EIF4EBP2: variants seen among roughly 807,000 people sequenced by gnomAD.
The protein encoded by EIF4EBP2 is eukaryotic translation initiation factor 4E-binding protein 2.
In EIF4EBP2, 5 loss-of-function variants were observed where a neutral mutation model predicts 10.3. The ratio of observed to expected loss-of-function variants is 0.48; its 90% CI spans 0.25 to 1.02. The LOEUF (loss-of-function observed/expected upper bound fraction) is 1.02. Ranked by LOEUF, EIF4EBP2 falls within the 50% of genes least tolerant of loss-of-function variation. EIF4EBP2 has a pLI of 0.15. For missense variants in EIF4EBP2, 188 were observed against 162.2 expected, an observed-to-expected ratio of 1.16 and a Z score of -0.86; for synonymous variants, 67 against 61.1, an observed-to-expected ratio of 1.10 and a Z score of -0.45.
At position 70,404,393 on chromosome 10, in the gene EIF4EBP2, C is replaced by A. The variant is rs1176756586; in HGVS notation, c.-9C>A. ...CGCCGGACAAAGCCGAGAGCCCGCGCCCACAGCCATGTCCTCGTCAGCCGG... is the reference window on the plus strand; with the variant it reads ...CGCCGGACAAAGCCGAGAGCCCGCGACCACAGCCATGTCCTCGTCAGCCGG... On this transcript the variant is annotated 5_prime_UTR_variant, in exon 1 of 3. Transcript: ENST00000373218. 6.4e-7 allele frequency: 1 copy of A among 1,565,582 alleles called. No homozygotes were observed. The highest frequency in any genetic ancestry group is 1.2e-5 in the South Asian group (1 of 86,168).
intron 1 of EIF4EBP2, among the ~76,000 whole-genome samples, chr10:70,417,174 TGAG>T (rs1340891650): frequency 2.0e-5 from 3 of 152,128 alleles, no homozygotes; most frequent in Non-Finnish European, 4.4e-5. Flanking sequence ...GAAAAAGAAA[TGAG>T]GTACTGATAA....
At chr10:70,410,675 T>G (rs1845034993) in intron 1 of EIF4EBP2, among the ~76,000 whole-genome samples, 1 of 152,264 alleles carries the variant, frequency 6.6e-6, no homozygotes, top group Admixed American at 6.5e-5. Context: ...GAAAACACTT[T>G]CTTTGTTAAG....
intron 2 of EIF4EBP2, among the ~76,000 whole-genome samples, chr10:70,420,324 C>T (rs1054627605): frequency 2.0e-5 from 3 of 152,262 alleles, no homozygotes; most frequent in South Asian, 2.1e-4. Context: ...CTCAGCCTCC[C>T]GAGTAGCGGG....
Position 70,422,058 on chromosome 10 carries a change from T to C in EIF4EBP2, c.*311T>C. 1 of 368,378 alleles carries C rather than the reference T, an allele frequency of 2.7e-6. No homozygotes were observed. The highest frequency in any genetic ancestry group is 5.0e-6 in the Non-Finnish European group (1 of 200,692). 22.8% of individuals were successfully genotyped at this position (368,378 alleles called of 1,614,324 possible). On this transcript the variant is annotated 3_prime_UTR_variant, in exon 3 of 3. Coordinates refer to ENST00000373218, the MANE Select transcript of EIF4EBP2 (RefSeq NM_004096.5). ...TCTGACTTTCCTAGTTGTTTTTTTA[T>C]TGAGAGCCACCCTCATACCCTGTAA... is the stretch of plus-strand genomic sequence containing the variant.
rs1845160406 is a variant in EIF4EBP2 at position 70,421,837 on chromosome 10, G to C, written c.*90G>C. On this transcript the variant is annotated 3_prime_UTR_variant, in exon 3 of 3. Coordinates refer to ENST00000373218, the MANE Select transcript of EIF4EBP2 (RefSeq NM_004096.5). ...TAGGATCAACAGTGAAAAGACAGAA[G>C]AGGCAATACCAGCAGTCCCCATTAC... 2 of 1,290,326 alleles carry C rather than the reference G, an allele frequency of 1.5e-6. No homozygotes were observed. Among genetic ancestry groups the C allele is most frequent in the Non-Finnish European group, 1.1e-6 (1 of 896,498 alleles). 79.9% of individuals were successfully genotyped at this position (1,290,326 alleles called of 1,614,324 possible).
chr10:70,418,298 C>G lies in EIF4EBP2; in HGVS notation c.146-1616C>G, dbSNP rs146284532. 2.3e-3 allele frequency among the ~76,000 whole-genome samples: 344 copies of G among 152,330 alleles called. No individual in the cohort carries two copies. The East Asian group carries it at 0.026, about 12-fold the overall frequency. The stretch of plus-strand genomic sequence containing the variant: ...CATCTTAGTGTTGGACTTCTAGCCT[C>G]CAGAACTATGAGACAATTTCTGTTG... On this transcript the variant is annotated intron_variant, in intron 1 of 2. Transcript: ENST00000373218.
At chr10:70,419,289 A>G (rs1014705468) in intron 1 of EIF4EBP2, among the ~76,000 whole-genome samples, 1 of 152,234 alleles carries the variant, frequency 6.6e-6, no homozygotes, top group Non-Finnish European at 1.5e-5. Flanking sequence ...TGTACTCTTC[A>G]AAACTATTGT....
At chr10:70,404,872 G>A (rs1844952377) in intron 1 of EIF4EBP2, among the ~76,000 whole-genome samples, 2 of 152,220 alleles carry the variant, frequency 1.3e-5, no homozygotes, top group Non-Finnish European at 2.9e-5. Flanking sequence ...GGCTCCACTT[G>A]GCCTTGCATT....
At chr10:70,404,682 C>CCGAG in intron 1 of EIF4EBP2, 136 bp downstream of exon 1, 1 of 1,201,264 alleles carries the variant, frequency 8.3e-7, no homozygotes, top group South Asian at 1.8e-5. Context: ...TTGGGCCCGC[C>CCGAG]CGAGCGTTCG....
In EIF4EBP2 at chr10:70,422,343, ACT is replaced by A. The variant is rs1233291755; in HGVS notation, c.*599_*600del. On this transcript the variant is annotated 3_prime_UTR_variant, in exon 3 of 3. Transcript: ENST00000373218. ...CTCGGGACAGAGCACAGCTTGTGCA[ACT>A]CTGGTAGCGTTACCCTGTGACACTG... The A allele has an allele frequency of 2.0e-5, 3 of 152,146 alleles. No individual in the cohort carries two copies. Among genetic ancestry groups the A allele is most frequent in the Non-Finnish European group, 4.4e-5 (3 of 68,064 alleles). 9.4% of individuals were successfully genotyped at this position (152,146 alleles called of 1,614,324 possible).
chr10:70,412,989 GTT>G (rs1202941613), intron 1 of EIF4EBP2, among the ~76,000 whole-genome samples: 1 of 152,192 alleles, frequency 6.6e-6, no homozygotes, highest in African/African-American at 2.4e-5. Context: ...ACTTTCAGCA[GTT>G]TCTGTTTACA....
chr10:70,424,378 A>G lies in EIF4EBP2; in HGVS notation c.*2631A>G, dbSNP rs1845186732. On this transcript the variant is annotated 3_prime_UTR_variant, in exon 3 of 3. Coordinates refer to ENST00000373218, the MANE Select transcript of EIF4EBP2 (RefSeq NM_004096.5). The stretch of plus-strand genomic sequence containing the variant: ...CAGTTCTTTCCCAGAGGCCACCACT[A>G]CTAGACAGTCTTTCTTTTATCTTAT... The G allele has an allele frequency of 6.6e-6, 1 of 152,206 alleles. No individual in the cohort carries two copies. Among genetic ancestry groups the G allele is most frequent in the African/African-American group, 2.4e-5 (1 of 41,442 alleles). The allele number at this position is 152,206 out of a possible 1,614,324, so 9.4% of individuals were successfully genotyped here. A position where few individuals can be genotyped will look rare whatever the true frequency, so the allele number is the denominator to read the frequency against.
At chr10:70,408,750 C>T (rs1354098441) in intron 1 of EIF4EBP2, among the ~76,000 whole-genome samples, 1 of 152,208 alleles carries the variant, frequency 6.6e-6, no homozygotes, top group African/African-American at 2.4e-5. Context: ...GTAGGAAATA[C>T]AGTCCTTGGT....
Position 70,404,394 on chromosome 10 carries a change from C to G in EIF4EBP2, c.-8C>G, listed in dbSNP as rs2137220351. ...GCCGGACAAAGCCGAGAGCCCGCGC[C>G]CACAGCCATGTCCTCGTCAGCCGGC... On this transcript the variant is annotated 5_prime_UTR_variant, in exon 1 of 3. Transcript: ENST00000373218. The G allele has an allele frequency of 6.4e-7, 1 of 1,567,316 alleles. No homozygotes were observed. The highest frequency in any genetic ancestry group is 2.5e-5 in the East Asian group (1 of 40,220).
chr10:70,420,851 G>A (rs1163520129), intron 2 of EIF4EBP2, among the ~76,000 whole-genome samples: 3 of 152,148 alleles, frequency 2.0e-5, no homozygotes, highest in Non-Finnish European at 4.4e-5. Flanking sequence ...CTGGAGTGCA[G>A]TGGCACGATC....
At chr10:70,408,895 T>C (rs928466977) in intron 1 of EIF4EBP2, among the ~76,000 whole-genome samples, 5 of 152,228 alleles carry the variant, frequency 3.3e-5, no homozygotes, top group Non-Finnish European at 5.9e-5. Flanking sequence ...AGGCTTGTAT[T>C]GGAAATCTCT....
At chr10:70,413,398 G>C (rs950141411) in intron 1 of EIF4EBP2, among the ~76,000 whole-genome samples, 1 of 152,084 alleles carries the variant, frequency 6.6e-6, no homozygotes, top group South Asian at 2.1e-4. Flanking sequence ...GGCCAAGGCA[G>C]GAGAATCGCT....
In EIF4EBP2 at chr10:70,421,682, G is replaced by A. The variant is rs753722701; in HGVS notation, c.332-34G>A. On this transcript the variant is annotated intron_variant, in intron 2 of 2. Coordinates refer to ENST00000373218, the MANE Select transcript of EIF4EBP2 (RefSeq NM_004096.5). ...AAAACTGTTATGCTTCTTTGTGTAC[G>A]TGCTAAACTCTTCATTTTATTGGTC... 6.3e-6 allele frequency: 10 copies of A among 1,599,380 alleles called. No individual in the cohort carries two copies. The East Asian group carries it at 1.1e-4, about 18-fold the overall frequency.
At chr10:70,416,527 C>CA (rs1403467714) in intron 1 of EIF4EBP2, among the ~76,000 whole-genome samples, 1 of 135,202 alleles carries the variant, frequency 7.4e-6, no homozygotes, top group Non-Finnish European at 1.5e-5. Flanking sequence ...TGCAGTGAGC[C>CA]AAGATCATGC....
Sources: allele counts gnomAD v4.1 joint callset (sites outside exome capture counted in the v4.1 genomes callset), GRCh38; gene constraint gnomAD v4.1.1; transcripts MANE v1.5; gene names NCBI Gene and HGNC (gene_info 2026-07-23, HGNC 2026-07-21).